Variants in TRPM2 observed in about 807,000 individuals in gnomAD.
TRPM2 encodes the protein transient receptor potential cation channel subfamily M member 2, also known as estrogen-responsive element-associated gene 1 protein.
TRPM2 carries 161 observed loss-of-function variants against 174.0 expected under a neutral mutation model. The observed-to-expected ratio is 0.93, with a 90% CI of 0.81 to 1.05. The LOEUF (loss-of-function observed/expected upper bound fraction) is 1.05, where lower values mean the gene tolerates loss of function less well. Ranked by LOEUF, TRPM2 falls within the 50% of genes least tolerant of loss-of-function variation. TRPM2 has a pLI of 0.00. For synonymous variants in TRPM2, 954 were observed against 861.3 expected (o/e 1.11, Z -1.88); for missense variants, 2,057 against 2,038.0 (o/e 1.01, Z -0.18).
At chr21:44,406,525 G>A (rs1462657300) in intron 18 of TRPM2, 69 bp from the exon 19 acceptor site, 33 of 1,520,926 alleles carry the variant, frequency 2.2e-5, no homozygotes, top group Non-Finnish European at 2.8e-5. Flanking sequence ...ACCGCTGCTG[G>A]GCCTGCCTCT....
chr21:44,400,432 G>A, intron 15 of TRPM2, 61 bp downstream of exon 15: 3 of 1,436,356 alleles, frequency 2.1e-6, no homozygotes, highest in Non-Finnish European at 2.9e-6. Context: ...AGAGGCTCCT[G>A]GGGGCTCAGG....
At chr21:44,353,899 C>A in intron 1 of TRPM2, 34 bp downstream of exon 1, 1 of 1,585,712 alleles carries the variant, frequency 6.3e-7, no homozygotes. Flanking sequence ...GCAGTTGGCA[C>A]GTGGCCACGG....
chr21:44,406,009 G>A lies in TRPM2; in HGVS notation c.2762G>A (p.Gly921Glu), dbSNP rs1470400909. 6.2e-7 allele frequency: 1 copy of A among 1,608,044 alleles called. No homozygotes were observed. Among genetic ancestry groups the A allele is most frequent in the East Asian group, 2.2e-5 (1 of 44,870 alleles). Residue 921 changes from glycine (G) to glutamate (E), a missense_variant, in exon 18 of 32, where the codon GGG (glycine) becomes GAG (glutamate). Gly to Glu is a moderately conservative substitution (Grantham distance 98, BLOSUM62 -2). Coordinates refer to ENST00000397928, the MANE Select transcript of TRPM2 (RefSeq NM_003307.4). ...ATTTTTACCATCAGTAAGACGCTGGGGCCCAAGATCATCATTGTGAAGCGG... is the reference window on the plus strand; with the variant it reads ...ATTTTTACCATCAGTAAGACGCTGGAGCCCAAGATCATCATTGTGAAGCGG... ...MHIFTISKTL[G>E]PKIIIVKRMM... is the part of the protein sequence containing the mutation.
chr21:44,358,852 G>A (rs1163272490), intron 2 of TRPM2, among the ~76,000 whole-genome samples: 2 of 152,116 alleles, frequency 1.3e-5, no homozygotes, highest in Admixed American at 6.5e-5. Flanking sequence ...GGACCTTCGC[G>A]GTGAGTGTCA....
intron 12 of TRPM2, 143 bp from the exon 13 acceptor site, chr21:44,397,604 A>C: frequency 1.2e-6 from 1 of 865,206 alleles, no homozygotes; most frequent in Non-Finnish European, 1.6e-6. Context: ...AGTTGTCTGT[A>C]TAGATGTGGT....
In TRPM2 at chr21:44,442,368, G is replaced by T. The variant is rs891793883; in HGVS notation, c.*551G>T. 1 of 152,252 alleles carries T rather than the reference G, an allele frequency of 6.6e-6. No individual in the cohort carries two copies. Among genetic ancestry groups the T allele is most frequent in the Non-Finnish European group, 1.5e-5 (1 of 68,046 alleles). 9.4% of individuals were successfully genotyped at this position (152,252 alleles called of 1,614,324 possible). The stretch of plus-strand genomic sequence containing the variant: ...CTGACTGTCAGGATAAACTCCGTGG[G>T]GGTACAGGAGCCCAGACAAAGCCCA... On this transcript the variant is annotated 3_prime_UTR_variant, in exon 32 of 32. Transcript: ENST00000397928.
intron 11 of TRPM2, among the ~76,000 whole-genome samples, chr21:44,394,903 G>A (rs566764472): frequency 1.6e-4 from 24 of 152,236 alleles, no homozygotes; most frequent in African/African-American, 5.3e-4. Flanking sequence ...TTCCTGGTCC[G>A]GGGAAAAGCC....
At chr21:44,412,360 A>C (rs1437337454) in intron 19 of TRPM2, among the ~76,000 whole-genome samples, 1 of 152,046 alleles carries the variant, frequency 6.6e-6, no homozygotes, top group Non-Finnish European at 1.5e-5. Context: ...ATTCATCTAG[A>C]TCATCTAATT....
At chr21:44,419,356 C>G (rs1231078371) in intron 22 of TRPM2, among the ~76,000 whole-genome samples, 2 of 152,102 alleles carry the variant, frequency 1.3e-5, no homozygotes, top group Non-Finnish European at 2.9e-5. Context: ...CCTCCCTCAC[C>G]TTGTCTGTAA....
At chr21:44,419,926 GGTA>G (rs2050489418) in intron 22 of TRPM2, among the ~76,000 whole-genome samples, 1 of 151,564 alleles carries the variant, frequency 6.6e-6, no homozygotes, top group African/African-American at 2.4e-5. Context: ...TGGTAGTGAT[GGTA>G]GTGGTGGTGC....
intron 31 of TRPM2, 100 bp downstream of exon 31, chr21:44,441,005 T>G: frequency 2.0e-6 from 2 of 1,018,936 alleles, no homozygotes; most frequent in Non-Finnish European, 3.0e-6. Context: ...GTCTGGATTC[T>G]GGCAGGCTGA....
At chr21:44,362,307 A>G (rs1212258583) in intron 2 of TRPM2, among the ~76,000 whole-genome samples, 2 of 149,894 alleles carry the variant, frequency 1.3e-5, no homozygotes, top group Non-Finnish European at 3.0e-5. Context: ...GATGGAGACC[A>G]TCCTGGCTAA....
In TRPM2 at chr21:44,423,739, C is replaced by T; in HGVS notation, c.3549+7C>T. On this transcript the variant is annotated splice_region_variant and intron_variant, in intron 23 of 31. Coordinates refer to ENST00000397928, the MANE Select transcript of TRPM2 (RefSeq NM_003307.4). ...GGCCTCCCTGGAGGAGCAGGTGGGT[C>T]CGAGGTCGGGGCCTCCGTCAGGAGG... The T allele has an allele frequency of 1.0e-5, 16 of 1,599,488 alleles. No individual in the cohort carries two copies. The highest frequency in any genetic ancestry group is 1.3e-5 in the Non-Finnish European group (15 of 1,175,294).
intron 9 of TRPM2, among the ~76,000 whole-genome samples, chr21:44,389,624 A>C (rs1247552715): frequency 6.6e-6 from 1 of 152,140 alleles, no homozygotes; most frequent in Non-Finnish European, 1.5e-5. Context: ...GTTTGAATTT[A>C]CATTTTCCTG....
Position 44,426,681 on chromosome 21 carries a change from C to T in TRPM2, c.3817C>T (p.Pro1273Ser). ...ACAGACGGAGTTCCTGATCTATGAC[C>T]CACCCTTTTACACGGCAGAGAGGAA... ...PWETEFLIYD[P>S]PFYTAERKDA... The change falls in exon 26 of 32, where the codon CCA becomes TCA. Residue 1273 changes from proline to serine, a missense_variant. Physicochemically the swap from Pro to Ser is moderately conservative, Grantham distance 74. Coordinates refer to ENST00000397928, the MANE Select transcript of TRPM2 (RefSeq NM_003307.4). 1 of 1,614,164 alleles carries T rather than the reference C, an allele frequency of 6.2e-7. No individual in the cohort carries two copies. The highest frequency in any genetic ancestry group is 8.5e-7 in the Non-Finnish European group (1 of 1,180,008).
rs1026653457 is a variant in TRPM2 at position 44,438,460 on chromosome 21, G to A, written c.4168-607G>A. The stretch of plus-strand genomic sequence containing the variant: ...GAGGGTGGGAGTGTCATGGGGCTGA[G>A]GTGGGACCGTCTTGACGTGGCCTGC... On this transcript the variant is annotated intron_variant, in intron 29 of 31. Coordinates refer to ENST00000397928, the MANE Select transcript of TRPM2 (RefSeq NM_003307.4). The surrounding 1 kb of genome is among the most constrained non-coding windows in gnomAD (Gnocchi z 5.9). Among the ~76,000 whole-genome samples the A allele has an allele frequency of 3.3e-5, 5 of 152,202 alleles. No individual in the cohort carries two copies. The highest frequency in any genetic ancestry group is 1.2e-4 in the African/African-American group (5 of 41,444).
chr21:44,403,042 G>A (rs1393612865), intron 16 of TRPM2, among the ~76,000 whole-genome samples: 4 of 152,156 alleles, frequency 2.6e-5, no homozygotes, highest in Non-Finnish European at 4.4e-5. Context: ...GGGCCTGGGA[G>A]CTGTGCTGTG....
At chr21:44,417,750 GCT>G (rs1207805826) in intron 20 of TRPM2, among the ~76,000 whole-genome samples, 175 bp from the exon 21 acceptor site, 1 of 144,598 alleles carries the variant, frequency 6.9e-6, no homozygotes, top group African/African-American at 2.6e-5. Context: ...GCGTGGCTCT[GCT>G]CTCTGTGACA....
intron 9 of TRPM2, among the ~76,000 whole-genome samples, chr21:44,389,496 T>C (rs903874134): frequency 7.9e-5 from 12 of 152,218 alleles, no homozygotes; most frequent in Non-Finnish European, 1.8e-4. Flanking sequence ...AATATTGCAT[T>C]CTTTTTCCTG....
Sources: gnomAD v4.1 joint callset for allele counts (sites outside exome capture counted in the v4.1 genomes callset) on GRCh38, gnomAD v4.1.1 for gene constraint, Gnocchi (gnomAD v3.1) non-coding constraint, MANE v1.5 for transcripts, NCBI Gene and HGNC (gene_info 2026-07-23, HGNC 2026-07-21) for gene names.